Variants in SLC4A10 observed in about 807,000 individuals in gnomAD.
SLC4A10 encodes sodium-driven chloride bicarbonate exchanger.
In SLC4A10, 42 loss-of-function variants were observed where a neutral mutation model predicts 137.7. That is an observed-to-expected ratio of 0.30 (90% confidence interval 0.24 to 0.39). The LOEUF is 0.39. Among genes scored for constraint, SLC4A10 ranks in the 10% least tolerant of loss-of-function variants. The pLI, the probability that SLC4A10 is intolerant of heterozygous loss-of-function variation, is 1.00. For missense variants in SLC4A10, 925 were observed against 1,355.0 expected (o/e 0.68, Z 4.98); for synonymous variants, 474 against 464.1 (o/e 1.02, Z -0.27).
chr2:161,767,132 T>C (rs2050927894), intron 1 of SLC4A10, among the ~76,000 whole-genome samples: 1 of 115,260 alleles, frequency 8.7e-6, no homozygotes, highest in Non-Finnish European at 1.8e-5. Flanking sequence ...TATATATATA[T>C]ATATATATGT....
At chr2:161,822,825 A>C (rs867837269) in intron 3 of SLC4A10, among the ~76,000 whole-genome samples, 221 of 152,236 alleles carry the variant, frequency 1.5e-3, no homozygotes, top group African/African-American at 5.2e-3. Flanking sequence ...AAATACAAAA[A>C]TTAGCTAGAC....
At chr2:161,789,021 G>C (rs972999655) in intron 2 of SLC4A10, among the ~76,000 whole-genome samples, 2 of 152,196 alleles carry the variant, frequency 1.3e-5, no homozygotes, top group African/African-American at 4.8e-5. Context: ...GGGTTCTGAG[G>C]TATGTTTGCA....
In SLC4A10 at chr2:161,872,293, C is replaced by T; in HGVS notation, c.767C>T (p.Ala256Val). 5 of 1,611,238 alleles carry T rather than the reference C, an allele frequency of 3.1e-6. No individual in the cohort carries two copies. Among genetic ancestry groups the T allele is most frequent in the African/African-American group, 1.3e-5 (1 of 74,960 alleles). The change falls in exon 7 of 27, where the codon GCA becomes GTA. Residue 256 changes from alanine (A) to valine (V), a missense_variant and splice_region_variant. Around this residue, in one of 11 missense-constraint regions of SLC4A10, gnomAD observed 277 missense variants for 306.1 expected, o/e 0.90. Transcript: ENST00000446997. ...QSEPNSMDKN[A>V]GQVVSPQSAP... Reference sequence around the variant, plus strand: ...ATTCTGTCACAACAATCTCTTTTAGCAGGTCAGGTTGTTTCTCCTCAGTCT... The same window carrying T: ...ATTCTGTCACAACAATCTCTTTTAGTAGGTCAGGTTGTTTCTCCTCAGTCT...
At chr2:161,759,791 A>AT (rs1184780091) in intron 1 of SLC4A10, among the ~76,000 whole-genome samples, 3 of 151,936 alleles carry the variant, frequency 2.0e-5, no homozygotes, top group Non-Finnish European at 4.4e-5. Flanking sequence ...GTTTGCAAAT[A>AT]TTTTTTCCCA....
intron 3 of SLC4A10, among the ~76,000 whole-genome samples, chr2:161,813,493 T>C (rs1171332096): frequency 6.6e-6 from 1 of 152,102 alleles, no homozygotes; most frequent in Non-Finnish European, 1.5e-5. Context: ...GTGTAGGATA[T>C]ACTAAGTATC....
intron 4 of SLC4A10, among the ~76,000 whole-genome samples, chr2:161,852,172 C>A (rs1265929693): frequency 6.6e-6 from 1 of 152,110 alleles, no homozygotes; most frequent in African/African-American, 2.4e-5. Context: ...GTTCTAGAAA[C>A]CTTAATTGAG....
intron 3 of SLC4A10, among the ~76,000 whole-genome samples, chr2:161,807,393 C>G (rs1320380723): frequency 6.6e-6 from 1 of 152,280 alleles, no homozygotes; most frequent in South Asian, 2.1e-4. Context: ...ACCTGGCTCT[C>G]AGTTCCTTGA....
intron 21 of SLC4A10, among the ~76,000 whole-genome samples, chr2:161,963,799 G>T (rs1179228558): frequency 6.6e-6 from 1 of 152,142 alleles, no homozygotes; most frequent in Non-Finnish European, 1.5e-5. Flanking sequence ...AAGAGATTGT[G>T]TTGTGACAAT....
At chr2:161,694,029 G>T (rs551274473) in intron 1 of SLC4A10, among the ~76,000 whole-genome samples, 1 of 152,012 alleles carries the variant, frequency 6.6e-6, no homozygotes, top group South Asian at 2.1e-4. Flanking sequence ...AATCATTGAG[G>T]TCTCTTCAGA....
At chr2:161,865,009 C>T (rs1486427211) in intron 6 of SLC4A10, among the ~76,000 whole-genome samples, 1 of 152,018 alleles carries the variant, frequency 6.6e-6, no homozygotes, top group Non-Finnish European at 1.5e-5. Context: ...TGAACTTTTA[C>T]CTTCATAACT....
intron 1 of SLC4A10, among the ~76,000 whole-genome samples, chr2:161,755,535 T>G (rs1211969966): frequency 6.6e-6 from 1 of 152,146 alleles, no homozygotes; most frequent in Non-Finnish European, 1.5e-5. Flanking sequence ...TTCTATCTGT[T>G]AATTTAAGCC....
In SLC4A10 at chr2:161,946,815, G is replaced by A. The variant is rs149539115; in HGVS notation, c.2104-751G>A. The stretch of plus-strand genomic sequence containing the variant: ...AAAAATAATCCATGGAGAAGTCATA[G>A]TAAATATGAGCTTTGCCTTGCTCAT... On this transcript the variant is annotated intron_variant, in intron 16 of 26. Transcript: ENST00000446997. Among the ~76,000 whole-genome samples the A allele has an allele frequency of 4.9e-3, 738 of 152,128 alleles. 4 individuals carry two copies. The highest frequency in any genetic ancestry group is 0.017 in the African/African-American group (708 of 41,522).
At chr2:161,794,026 C>T (rs1028140437) in intron 2 of SLC4A10, among the ~76,000 whole-genome samples, 2 of 152,008 alleles carry the variant, frequency 1.3e-5, no homozygotes, top group African/African-American at 4.8e-5. Context: ...CAATATTGTT[C>T]ATGAAAACAA....
chr2:161,862,805 A>T, intron 5 of SLC4A10, 69 bp from the exon 6 acceptor site: 1 of 1,261,314 alleles, frequency 7.9e-7, no homozygotes, highest in Non-Finnish European at 1.0e-6. Flanking sequence ...ATTTGGACTC[A>T]GTGGTTCACG....
intron 1 of SLC4A10, among the ~76,000 whole-genome samples, chr2:161,698,082 G>A (rs1215764640): frequency 6.6e-6 from 1 of 152,174 alleles, no homozygotes. Flanking sequence ...GTGAATGGGA[G>A]TTCACTTATG....
intron 1 of SLC4A10, among the ~76,000 whole-genome samples, chr2:161,688,324 T>A (rs2041647921): frequency 6.6e-6 from 1 of 152,186 alleles, no homozygotes. Context: ...TCTCTTATAA[T>A]GTTGTAATTT....
intron 15 of SLC4A10, among the ~76,000 whole-genome samples, chr2:161,934,564 T>C (rs939902648): frequency 3.9e-5 from 6 of 152,192 alleles, no homozygotes; most frequent in Non-Finnish European, 8.8e-5. Flanking sequence ...TATTCATTCA[T>C]CTGTTGGTGA....
intron 11 of SLC4A10, among the ~76,000 whole-genome samples, chr2:161,896,732 C>G (rs781317379): frequency 6.6e-5 from 10 of 152,030 alleles, no homozygotes; most frequent in African/African-American, 1.9e-4. Flanking sequence ...AAAGGATAGC[C>G]TCTAAGGCAG....
At chr2:161,710,956 A>C (rs925969493) in intron 1 of SLC4A10, among the ~76,000 whole-genome samples, 1 of 151,834 alleles carries the variant, frequency 6.6e-6, no homozygotes, top group Non-Finnish European at 1.5e-5. Flanking sequence ...AGTATGCTAC[A>C]ATCAGTTTTA....
Sources: gnomAD v4.1 joint callset for allele counts (sites outside exome capture counted in the v4.1 genomes callset) on GRCh38, gnomAD v4.1.1 for gene constraint, gnomAD v4.1.1 regional missense constraint, MANE v1.5 for transcripts, NCBI Gene and HGNC (gene_info 2026-07-23, HGNC 2026-07-21) for gene names.